ALCAM: variants seen among roughly 807,000 people sequenced by gnomAD.
ALCAM encodes the protein CD166 antigen.
Under a neutral mutation model 70.9 loss-of-function variants are expected in ALCAM, and 30 were observed. The ratio of observed to expected loss-of-function variants is 0.42; its 90% CI spans 0.32 to 0.57. The LOEUF (loss-of-function observed/expected upper bound fraction) is 0.57, where lower values mean the gene tolerates loss of function less well. Ranked by LOEUF, ALCAM falls within the 20% of genes least tolerant of loss-of-function variation. The probability of loss-of-function intolerance (pLI) is 0.11; values close to 1 mark genes in which losing one functional copy is unlikely to be tolerated. For synonymous variants in ALCAM, 249 were observed against 242.5 expected (o/e 1.03, Z -0.25); for missense variants, 591 against 695.1 (o/e 0.85, Z 1.68).
intron 1 of ALCAM, among the ~76,000 whole-genome samples, chr3:105,453,447 C>T (rs1048163459): frequency 1.3e-5 from 2 of 152,152 alleles, no homozygotes; most frequent in Non-Finnish European, 2.9e-5. Flanking sequence ...TGTGGTGTTA[C>T]CAGTACCATC....
intron 1 of ALCAM, among the ~76,000 whole-genome samples, chr3:105,378,689 A>G (rs916906574): frequency 6.7e-6 from 1 of 150,202 alleles, no homozygotes; most frequent in African/African-American, 2.5e-5. Context: ...TTCTCTGATC[A>G]TACTAGAATG....
intron 1 of ALCAM, among the ~76,000 whole-genome samples, chr3:105,501,214 G>A (rs1280118378): frequency 6.6e-6 from 1 of 152,186 alleles, no homozygotes; most frequent in Non-Finnish European, 1.5e-5. Flanking sequence ...GGAATAGTGA[G>A]AGAAAAGATA....
chr3:105,525,110 T>C (rs930871422), intron 3 of ALCAM: 18 of 978,604 alleles, frequency 1.8e-5, no homozygotes, highest in Non-Finnish European at 2.2e-5. Context: ...TGGTTATTGA[T>C]TTAGATTTCA....
At chr3:105,488,470 A>G (rs768094375) in intron 1 of ALCAM, among the ~76,000 whole-genome samples, 2 of 152,182 alleles carry the variant, frequency 1.3e-5, no homozygotes, top group Admixed American at 1.3e-4. Flanking sequence ...ACTGTGAGGT[A>G]CAAATAAATG....
intron 1 of ALCAM, among the ~76,000 whole-genome samples, chr3:105,372,753 T>C (rs188985628): frequency 6.6e-6 from 1 of 152,292 alleles, no homozygotes; most frequent in Non-Finnish European, 1.5e-5. Context: ...TCTGATTTGC[T>C]TCTCTATTAC....
intron 14 of ALCAM, among the ~76,000 whole-genome samples, chr3:105,562,132 G>A (rs1464241072): frequency 6.6e-6 from 1 of 152,194 alleles, no homozygotes; most frequent in African/African-American, 2.4e-5. Context: ...CCTGCCCTGA[G>A]ACATCTCATT....
chr3:105,541,331 A>G (rs1163928222), intron 7 of ALCAM, among the ~76,000 whole-genome samples: 1 of 151,932 alleles, frequency 6.6e-6, no homozygotes, highest in Admixed American at 6.6e-5. Context: ...AGGCATAAAT[A>G]TAAAAATAAA....
intron 1 of ALCAM, among the ~76,000 whole-genome samples, chr3:105,395,271 C>A (rs894315758): frequency 6.6e-6 from 1 of 151,894 alleles, no homozygotes; most frequent in African/African-American, 2.4e-5. Context: ...TCAGGTTGTA[C>A]AATCTTCAAT....
intron 14 of ALCAM, among the ~76,000 whole-genome samples, chr3:105,567,760 A>G (rs898152594): frequency 2.6e-5 from 4 of 152,192 alleles, no homozygotes; most frequent in Admixed American, 2.6e-4. Flanking sequence ...CAAAATCTGT[A>G]AATCTGCATC....
intron 1 of ALCAM, among the ~76,000 whole-genome samples, chr3:105,442,446 G>A (rs1430007567): frequency 6.6e-6 from 1 of 151,980 alleles, no homozygotes; most frequent in Non-Finnish European, 1.5e-5. Context: ...ATATTTGAGA[G>A]AAAAAAAGAT....
intron 1 of ALCAM, among the ~76,000 whole-genome samples, chr3:105,509,243 T>G (rs924924512): frequency 1.3e-5 from 2 of 152,128 alleles, no homozygotes; most frequent in African/African-American, 4.8e-5. Context: ...GTGGGATTGC[T>G]GGATTATCTG....
intron 1 of ALCAM, among the ~76,000 whole-genome samples, chr3:105,492,716 A>G (rs1340914187): frequency 6.6e-6 from 1 of 152,250 alleles, no homozygotes; most frequent in Non-Finnish European, 1.5e-5. Flanking sequence ...ATCATAAATT[A>G]GAAATGAAAA....
intron 1 of ALCAM, among the ~76,000 whole-genome samples, chr3:105,488,815 C>T (rs190875509): frequency 1.1e-4 from 16 of 152,156 alleles, no homozygotes; most frequent in African/African-American, 3.1e-4. Flanking sequence ...GATGTTAATG[C>T]TTGATTGATG....
At chr3:105,531,040 A>C (rs749076667) in intron 3 of ALCAM, among the ~76,000 whole-genome samples, 1 of 152,084 alleles carries the variant, frequency 6.6e-6, no homozygotes, top group Non-Finnish European at 1.5e-5. Context: ...GTTTAAATAC[A>C]TTTGCTTATA....
chr3:105,533,940 A>G (rs1939907536), intron 5 of ALCAM, among the ~76,000 whole-genome samples: 1 of 152,092 alleles, frequency 6.6e-6, no homozygotes, highest in Non-Finnish European at 1.5e-5. Context: ...TATGCAACTC[A>G]CCATAATGTA....
chr3:105,513,429 A>C (rs1297013446), intron 1 of ALCAM: 3 of 143,898 alleles, frequency 2.1e-5, no homozygotes, highest in East Asian at 4.4e-4. Context: ...TTAAAGCAAA[A>C]ATAGCTTTTG....
At position 105,557,229 on chromosome 3, in the gene ALCAM, C is replaced by A. The variant is rs1441115241; in HGVS notation, c.1664+4644C>A. On this transcript the variant is annotated intron_variant, in intron 14 of 15. Transcript: ENST00000306107. ...GTCAGACTAATTCAAACGTTGACTT[C>A]TCTCTTTTCTCTACCCATGACCTAG... Among the ~76,000 whole-genome samples, 7 of 152,214 alleles carry A rather than the reference C, an allele frequency of 4.6e-5. No individual in the cohort carries two copies. In the East Asian group the frequency reaches 1.4e-3, roughly 30 times the overall value.
chr3:105,423,680 T>A (rs1312467389), intron 1 of ALCAM, among the ~76,000 whole-genome samples: 2 of 151,578 alleles, frequency 1.3e-5, no homozygotes, highest in Non-Finnish European at 3.0e-5. Flanking sequence ...TAGAAATTTA[T>A]ACACACACAT....
intron 1 of ALCAM, among the ~76,000 whole-genome samples, chr3:105,438,654 T>C (rs968481015): frequency 1.3e-5 from 2 of 152,194 alleles, no homozygotes; most frequent in Admixed American, 6.5e-5. Context: ...CTGGCAAATG[T>C]TGACTAATGA....
Sources: gnomAD v4.1 joint callset for allele counts (sites outside exome capture counted in the v4.1 genomes callset) on GRCh38, gnomAD v4.1.1 for gene constraint, MANE v1.5 for transcripts, NCBI Gene and HGNC (gene_info 2026-07-23, HGNC 2026-07-21) for gene names.